COL19A1: variants seen among roughly 807,000 people sequenced by gnomAD.
COL19A1 encodes the protein collagen alpha-1(XIX) chain.
In COL19A1, 159 loss-of-function variants were observed where a neutral mutation model predicts 190.2. The observed-to-expected ratio is 0.84, with a 90% CI of 0.73 to 0.95. COL19A1 has a LOEUF of 0.95. Ranked by LOEUF, COL19A1 falls within the 40% of genes least tolerant of loss-of-function variation. COL19A1 has a pLI of 0.00. For missense variants in COL19A1, 1,418 were observed against 1,431.9 expected (o/e 0.99, Z 0.16); for synonymous variants, 509 against 458.9 (o/e 1.11, Z -1.39).
intron 11 of COL19A1, among the ~76,000 whole-genome samples, chr6:69,968,003 C>T (rs118091803): frequency 6.6e-6 from 1 of 152,256 alleles, no homozygotes; most frequent in Non-Finnish European, 1.5e-5. Context: ...TGCATCAAAA[C>T]ATTTGTATTT....
At chr6:70,074,560 C>A (rs1239220637) in intron 15 of COL19A1, among the ~76,000 whole-genome samples, 12 of 150,554 alleles carry the variant, frequency 8.0e-5, no homozygotes, top group Non-Finnish European at 1.5e-4. Flanking sequence ...ATAGCTTATT[C>A]CAAGTTACCA....
intron 25 of COL19A1, among the ~76,000 whole-genome samples, chr6:70,145,490 A>G (rs1226063496): frequency 6.6e-6 from 1 of 152,132 alleles, no homozygotes; most frequent in Non-Finnish European, 1.5e-5. Flanking sequence ...ACACCAACAT[A>G]GTAGAGATGG....
chr6:69,949,891 A>T (rs1039164591), intron 9 of COL19A1, among the ~76,000 whole-genome samples: 4 of 151,886 alleles, frequency 2.6e-5, no homozygotes, highest in African/African-American at 9.7e-5. Context: ...GAGCAAAAAC[A>T]TATGTACAAT....
chr6:69,927,149 C>T (rs939894822), intron 4 of COL19A1, among the ~76,000 whole-genome samples: 1 of 152,060 alleles, frequency 6.6e-6, no homozygotes, highest in Non-Finnish European at 1.5e-5. Flanking sequence ...TAGACAGTAA[C>T]TCAAATCCAA....
chr6:70,160,018 CT>C (rs1755145099), intron 34 of COL19A1, among the ~76,000 whole-genome samples: 2 of 152,026 alleles, frequency 1.3e-5, no homozygotes, highest in Non-Finnish European at 2.9e-5. Flanking sequence ...CAAAAATGCA[CT>C]AAAAGATAAA....
chr6:69,921,390 TATATC>T, intron 4 of COL19A1, among the ~76,000 whole-genome samples: 1 of 104,432 alleles, frequency 9.6e-6, no homozygotes, highest in South Asian at 3.0e-4. Flanking sequence ...ATATATCATA[TATATC>T]ATATATCATA....
intron 18 of COL19A1, among the ~76,000 whole-genome samples, chr6:70,135,286 C>T (rs374272965): frequency 2.0e-5 from 3 of 152,180 alleles, no homozygotes; most frequent in Admixed American, 6.5e-5. Context: ...ATTATGTAGG[C>T]GTGATTGATT....
chr6:70,064,711 C>G (rs1781068350), intron 14 of COL19A1, among the ~76,000 whole-genome samples: 2 of 151,818 alleles, frequency 1.3e-5, no homozygotes, highest in Admixed American at 1.3e-4. Flanking sequence ...TCTAGAAAAC[C>G]CCATCGTCTC....
chr6:69,917,856 T>C (rs1771414009), intron 4 of COL19A1, among the ~76,000 whole-genome samples: 1 of 152,090 alleles, frequency 6.6e-6, no homozygotes, highest in Admixed American at 6.6e-5. Context: ...TCTCATAATG[T>C]TTTAAGAAAG....
chr6:69,885,892 A>T (rs923361484), intron 2 of COL19A1, among the ~76,000 whole-genome samples: 1 of 152,234 alleles, frequency 6.6e-6, no homozygotes, highest in Admixed American at 6.5e-5. Context: ...AGAAGCGATC[A>T]TGGGGGAATA....
intron 42 of COL19A1, among the ~76,000 whole-genome samples, chr6:70,177,037 G>A (rs1287890668): frequency 1.3e-5 from 2 of 152,100 alleles, no homozygotes; most frequent in Non-Finnish European, 2.9e-5. Flanking sequence ...TCATAAACTA[G>A]CCCTTCAATC....
At chr6:70,123,867 C>G (rs1206813122) in intron 17 of COL19A1, among the ~76,000 whole-genome samples, 1 of 148,940 alleles carries the variant, frequency 6.7e-6, no homozygotes, top group Non-Finnish European at 1.5e-5. Context: ...TGCTAGATGA[C>G]GAGTTAGTGG....
At chr6:70,100,058 AAC>A in intron 15 of COL19A1, among the ~76,000 whole-genome samples, 1 of 152,344 alleles carries the variant, frequency 6.6e-6, no homozygotes, top group Admixed American at 6.5e-5. Context: ...AAAGTTAATC[AAC>A]AGTCAGCTTC....
Position 70,168,688 on chromosome 6 carries a change from A to C in COL19A1, c.2568+7A>C, listed in dbSNP as rs1765316901. On this transcript the variant is annotated splice_region_variant and intron_variant, in intron 40 of 50. Coordinates refer to ENST00000620364, the MANE Select transcript of COL19A1 (RefSeq NM_001858.6). ...AGGCGATCCTGGCCCAGTGGTATGAATGTTCCCATGTTTTGTGTCATTTAG... is the reference window on the plus strand; with the variant it reads ...AGGCGATCCTGGCCCAGTGGTATGACTGTTCCCATGTTTTGTGTCATTTAG... 6.2e-7 allele frequency: 1 copy of C among 1,612,830 alleles called. No homozygotes were observed. Among genetic ancestry groups the C allele is most frequent in the Non-Finnish European group, 8.5e-7 (1 of 1,179,434 alleles).
chr6:70,135,078 C>T (rs1467318067), intron 18 of COL19A1, among the ~76,000 whole-genome samples: 1 of 152,186 alleles, frequency 6.6e-6, no homozygotes, highest in African/African-American at 2.4e-5. Flanking sequence ...GAGATATTTA[C>T]TTACGCTCAC....
intron 9 of COL19A1, among the ~76,000 whole-genome samples, chr6:69,946,302 T>A (rs1562023678): frequency 6.6e-6 from 1 of 152,090 alleles, no homozygotes; most frequent in Non-Finnish European, 1.5e-5. Context: ...TCCTTATTTT[T>A]AAAAATTATG....
At chr6:69,910,854 T>A (rs1283625042) in intron 4 of COL19A1, among the ~76,000 whole-genome samples, 5 of 152,198 alleles carry the variant, frequency 3.3e-5, no homozygotes, top group Non-Finnish European at 7.4e-5. Flanking sequence ...TTATCTTTAA[T>A]CTTAATTTGG....
chr6:69,971,651 G>A (rs537212667), intron 11 of COL19A1, among the ~76,000 whole-genome samples: 1 of 152,300 alleles, frequency 6.6e-6, no homozygotes, highest in South Asian at 2.1e-4. Flanking sequence ...CCTAAGAAAT[G>A]TCAGACTTTA....
At chr6:70,206,751 G>T in intron 49 of COL19A1, 150 bp from the exon 50 acceptor site, 2 of 539,388 alleles carry the variant, frequency 3.7e-6, no homozygotes, top group African/African-American at 1.9e-5. Flanking sequence ...AGTTTAATAT[G>T]TGGTTAATGC....
Sources: gnomAD v4.1 joint callset for allele counts (sites outside exome capture counted in the v4.1 genomes callset) on GRCh38, gnomAD v4.1.1 for gene constraint, MANE v1.5 for transcripts, NCBI Gene and HGNC (gene_info 2026-07-23, HGNC 2026-07-21) for gene names.